CFDP1: variants seen among roughly 807,000 people sequenced by gnomAD.
The protein encoded by CFDP1 is heterochromatin-stabilizing protein CFDP1.
A neutral mutation model predicts 40.1 loss-of-function variants in CFDP1; 31 were observed. The ratio of observed to expected loss-of-function variants is 0.77; its 90% CI spans 0.58 to 1.04. CFDP1 has a LOEUF of 1.04. Among genes scored for constraint, CFDP1 ranks in the 50% least tolerant of loss-of-function variants. CFDP1 has a pLI of 0.00. For missense variants in CFDP1, 423 were observed against 343.4 expected (o/e 1.23, Z -1.83); for synonymous variants, 167 against 120.0 (o/e 1.39, Z -2.56).
chr16:75,355,296 A>G (rs372453682), intron 5 of CFDP1, among the ~76,000 whole-genome samples: 296 of 152,348 alleles, frequency 1.9e-3, no homozygotes, highest in African/African-American at 6.5e-3. Flanking sequence ...CTCTTTCATG[A>G]AAGATTTCTG....
At chr16:75,367,907 C>G (rs2078726540) in intron 5 of CFDP1, among the ~76,000 whole-genome samples, 2 of 151,870 alleles carry the variant, frequency 1.3e-5, no homozygotes, top group African/African-American at 4.8e-5. Context: ...GAGTTCGAGA[C>G]CAGCCCAGCC....
At chr16:75,316,022 A>G (rs1044767951) in intron 5 of CFDP1, among the ~76,000 whole-genome samples, 1 of 152,152 alleles carries the variant, frequency 6.6e-6, no homozygotes, top group Non-Finnish European at 1.5e-5. Flanking sequence ...GTTAATTTTT[A>G]AGAGTCCAGT....
chr16:75,333,405 G>C (rs1016931678), intron 5 of CFDP1, among the ~76,000 whole-genome samples: 1 of 152,180 alleles, frequency 6.6e-6, no homozygotes, highest in Admixed American at 6.5e-5. Flanking sequence ...TTACAGGCAT[G>C]AGCCACCACA....
At chr16:75,316,770 G>A (rs921066145) in intron 5 of CFDP1, among the ~76,000 whole-genome samples, 1 of 151,982 alleles carries the variant, frequency 6.6e-6, no homozygotes, top group South Asian at 2.1e-4. Context: ...AGGAGTTCGA[G>A]ACCAGCCTGA....
In CFDP1 at chr16:75,323,488, G is replaced by C. The variant is rs750337176; in HGVS notation, c.651-18306C>G. ...ATACACTCTAAAATAACAATTTAAA[G>C]TATACTATAGGGCTGGGTACAGTGG... On this transcript the variant is annotated intron_variant, in intron 5 of 6. Transcript: ENST00000283882. Among the ~76,000 whole-genome samples the C allele has an allele frequency of 5.3e-5, 8 of 150,510 alleles. No individual in the cohort carries two copies. In the Middle Eastern group the frequency reaches 0.017, roughly 322 times the overall value.
chr16:75,422,520 G>A (rs961757873), intron 1 of CFDP1, among the ~76,000 whole-genome samples: 1 of 150,256 alleles, frequency 6.7e-6, no homozygotes, highest in Non-Finnish European at 1.5e-5. Context: ...TCAGCCTCAC[G>A]AATACCTGAG....
intron 4 of CFDP1, among the ~76,000 whole-genome samples, chr16:75,402,683 T>A (rs1334583224): frequency 6.6e-6 from 1 of 152,128 alleles, no homozygotes; most frequent in East Asian, 1.9e-4. Context: ...AAAAGGAGAA[T>A]AATGACATGA....
intron 5 of CFDP1, among the ~76,000 whole-genome samples, chr16:75,316,785 C>A (rs556421666): frequency 1.3e-5 from 2 of 152,084 alleles, no homozygotes; most frequent in South Asian, 4.2e-4. Context: ...GCCTGACCAA[C>A]ACAGAGAAAC....
chr16:75,382,374 T>C lies in CFDP1; in HGVS notation c.650+12716A>G, dbSNP rs943221900. On this transcript the variant is annotated intron_variant, in intron 5 of 6. Transcript: ENST00000283882. Reference sequence around the variant, plus strand: ...GTGTTAGAAGTTCTACTTCAAAGGGTTTAAAAAATATATTCTATAAAGACA... The same window carrying C: ...GTGTTAGAAGTTCTACTTCAAAGGGCTTAAAAAATATATTCTATAAAGACA... Among the ~76,000 whole-genome samples, 4 of 152,278 alleles carry C rather than the reference T, an allele frequency of 2.6e-5. No homozygotes were observed. The East Asian group carries it at 5.8e-4, about 22-fold the overall frequency.
intron 4 of CFDP1, among the ~76,000 whole-genome samples, chr16:75,405,093 A>G (rs2079086988): frequency 6.6e-6 from 1 of 152,194 alleles, no homozygotes; most frequent in East Asian, 1.9e-4. Context: ...ATGTCACAAT[A>G]CTCAAGACAT....
intron 5 of CFDP1, among the ~76,000 whole-genome samples, chr16:75,348,262 T>C (rs577452538): frequency 2.0e-5 from 3 of 152,164 alleles, no homozygotes; most frequent in Non-Finnish European, 4.4e-5. Flanking sequence ...TCCAAAATAG[T>C]TGGGACTGCA....
chr16:75,403,102 A>G (rs77505729), intron 4 of CFDP1, among the ~76,000 whole-genome samples: 1 of 152,312 alleles, frequency 6.6e-6, no homozygotes, highest in African/African-American at 2.4e-5. Context: ...CGCCCTGAAT[A>G]CCCATCAAGG....
intron 1 of CFDP1, among the ~76,000 whole-genome samples, chr16:75,418,751 A>C (rs2079240524): frequency 7.2e-6 from 1 of 138,388 alleles, no homozygotes; most frequent in Admixed American, 7.6e-5. Flanking sequence ...AAAAAAAAAA[A>C]CTCATTTCAG....
intron 5 of CFDP1, among the ~76,000 whole-genome samples, chr16:75,329,946 C>G (rs947536580): frequency 6.6e-6 from 1 of 152,166 alleles, no homozygotes; most frequent in Non-Finnish European, 1.5e-5. Context: ...TTCCTCTTTC[C>G]TCCTCCTCCC....
chr16:75,337,364 C>T (rs2078496654), intron 5 of CFDP1, among the ~76,000 whole-genome samples: 2 of 152,180 alleles, frequency 1.3e-5, no homozygotes, highest in Admixed American at 1.3e-4. Flanking sequence ...CCAAACTCTC[C>T]CTCCTCTTTT....
At chr16:75,374,773 T>A (rs565355967) in intron 5 of CFDP1, among the ~76,000 whole-genome samples, 9 of 152,332 alleles carry the variant, frequency 5.9e-5, no homozygotes, top group African/African-American at 2.2e-4. Flanking sequence ...ACCCAATATG[T>A]CAGAAATGTT....
intron 1 of CFDP1, among the ~76,000 whole-genome samples, chr16:75,429,170 G>A (rs919670923): frequency 6.6e-6 from 1 of 152,090 alleles, no homozygotes; most frequent in African/African-American, 2.4e-5. Flanking sequence ...CCAGCTTCCG[G>A]AGACAAACAG....
chr16:75,393,567 T>C (rs568859845), intron 5 of CFDP1, among the ~76,000 whole-genome samples: 10 of 150,582 alleles, frequency 6.6e-5, no homozygotes, highest in African/African-American at 1.2e-4. Flanking sequence ...CCGTCTCTAC[T>C]AAAAATACAA....
chr16:75,425,686 C>T (rs1363439190), intron 1 of CFDP1, among the ~76,000 whole-genome samples: 2 of 150,904 alleles, frequency 1.3e-5, no homozygotes, highest in Admixed American at 1.3e-4. Context: ...ATCCATAACT[C>T]ATATCTTATG....
Sources: gnomAD v4.1 joint callset for allele counts (sites outside exome capture counted in the v4.1 genomes callset) on GRCh38, gnomAD v4.1.1 for gene constraint, MANE v1.5 for transcripts, NCBI Gene and HGNC (gene_info 2026-07-23, HGNC 2026-07-21) for gene names.